GRIA4: variants seen among roughly 807,000 people sequenced by gnomAD.
GRIA4 encodes glutamate ionotropic receptor AMPA type subunit 4, also known as glutamate receptor 4.
GRIA4 carries 34 observed loss-of-function variants against 104.0 expected under a neutral mutation model. The ratio of observed to expected loss-of-function variants is 0.33; its 90% CI spans 0.25 to 0.44. GRIA4 has a LOEUF of 0.44. GRIA4 is among the 20% of genes least tolerant of loss of function. The pLI, the probability that GRIA4 is intolerant of heterozygous loss-of-function variation, is 1.00. For synonymous variants in GRIA4, 386 were observed against 381.9 expected (o/e 1.01, Z -0.13); for missense variants, 750 against 1,096.5 (o/e 0.68, Z 4.46).
chr11:105,669,394 ATATAT>A (rs1229413106), intron 3 of GRIA4, among the ~76,000 whole-genome samples: 29 of 152,010 alleles, frequency 1.9e-4, no homozygotes, highest in Non-Finnish European at 7.4e-5. Context: ...CATGTCATAT[ATATAT>A]TATATCTTTT....
intron 5 of GRIA4, among the ~76,000 whole-genome samples, chr11:105,864,885 C>G (rs1225252838): frequency 6.6e-6 from 1 of 151,986 alleles, no homozygotes; most frequent in Non-Finnish European, 1.5e-5. Flanking sequence ...AAAAAAATTT[C>G]TAGAAGGATG....
chr11:105,881,714 C>T (rs538531210), intron 5 of GRIA4, among the ~76,000 whole-genome samples: 122 of 152,146 alleles, frequency 8.0e-4, no homozygotes, highest in African/African-American at 2.7e-3. Context: ...CACACACACA[C>T]GCCCCTGCAT....
intron 3 of GRIA4, among the ~76,000 whole-genome samples, chr11:105,704,956 A>G (rs971940812): frequency 6.6e-6 from 1 of 152,162 alleles, no homozygotes; most frequent in Non-Finnish European, 1.5e-5. Context: ...AGAGGTAGTA[A>G]AACACTGGAG....
chr11:105,666,141 C>T (rs964775749), intron 3 of GRIA4, among the ~76,000 whole-genome samples: 14 of 151,972 alleles, frequency 9.2e-5, no homozygotes, highest in African/African-American at 3.1e-4. Flanking sequence ...AACTTTAAAC[C>T]ATGGCCTCTG....
At chr11:105,739,256 C>T (rs901475399) in intron 3 of GRIA4, among the ~76,000 whole-genome samples, 9 of 152,038 alleles carry the variant, frequency 5.9e-5, no homozygotes, top group East Asian at 1.9e-4. Flanking sequence ...GGCCTGACTC[C>T]GGAAAGAAAT....
At chr11:105,798,488 G>C (rs1415197042) in intron 4 of GRIA4, among the ~76,000 whole-genome samples, 1 of 152,076 alleles carries the variant, frequency 6.6e-6, no homozygotes, top group East Asian at 1.9e-4. Context: ...GGCAGGTAAT[G>C]GATGCTACAT....
intron 3 of GRIA4, among the ~76,000 whole-genome samples, chr11:105,663,040 A>T (rs1277036574): frequency 6.6e-6 from 1 of 151,924 alleles, no homozygotes; most frequent in Non-Finnish European, 1.5e-5. Flanking sequence ...ATAATCTAAA[A>T]TATCCTTGTA....
At chr11:105,739,599 G>A (rs540361719) in intron 3 of GRIA4, among the ~76,000 whole-genome samples, 3 of 152,190 alleles carry the variant, frequency 2.0e-5, no homozygotes, top group South Asian at 4.1e-4. Context: ...AAGAAAATTA[G>A]CATTTACATA....
chr11:105,907,948 A>G (rs1310928126), intron 9 of GRIA4, among the ~76,000 whole-genome samples: 2 of 152,150 alleles, frequency 1.3e-5, no homozygotes, highest in African/African-American at 4.8e-5. Context: ...AGCATCACTC[A>G]AGATCTTGAC....
intron 12 of GRIA4, 117 bp from the exon 13 acceptor site, chr11:105,926,624 T>C: frequency 1.5e-6 from 1 of 685,122 alleles, no homozygotes; most frequent in Non-Finnish European, 2.6e-6. Flanking sequence ...TCTCAGAAAA[T>C]AAAACAATAC....
chr11:105,685,998 G>C (rs1278730672), intron 3 of GRIA4, among the ~76,000 whole-genome samples: 1 of 151,952 alleles, frequency 6.6e-6, no homozygotes, highest in Non-Finnish European at 1.5e-5. Flanking sequence ...TCAATACTAA[G>C]AAATGAAATT....
intron 4 of GRIA4, among the ~76,000 whole-genome samples, chr11:105,807,654 A>C (rs1943004738): frequency 6.6e-6 from 1 of 151,892 alleles, no homozygotes; most frequent in East Asian, 1.9e-4. Context: ...GGTTTTTATG[A>C]AGATCAAAGA....
intron 4 of GRIA4, among the ~76,000 whole-genome samples, chr11:105,765,755 C>T (rs1940905103): frequency 6.6e-6 from 1 of 152,126 alleles, no homozygotes; most frequent in Admixed American, 6.5e-5. Flanking sequence ...GGCTACTTTC[C>T]CACTTCTACA....
chr11:105,757,652 G>A (rs958749890), intron 4 of GRIA4, among the ~76,000 whole-genome samples: 8 of 152,174 alleles, frequency 5.3e-5, no homozygotes, highest in South Asian at 2.1e-4. Flanking sequence ...GGTCAGTTTC[G>A]TTGTCATCAC....
At chr11:105,895,252 C>CGCGTGT (rs1946608512) in intron 6 of GRIA4, among the ~76,000 whole-genome samples, 1 of 148,756 alleles carries the variant, frequency 6.7e-6, no homozygotes, top group Non-Finnish European at 1.5e-5. Flanking sequence ...CGAGCTCATG[C>CGCGTGT]GTGTGTGTGT....
At chr11:105,718,200 C>G (rs1314771492) in intron 3 of GRIA4, among the ~76,000 whole-genome samples, 1 of 152,050 alleles carries the variant, frequency 6.6e-6, no homozygotes, top group Non-Finnish European at 1.5e-5. Flanking sequence ...ACCTATGAAG[C>G]CAATGTATAG....
chr11:105,640,723 G>C (rs903691331), intron 3 of GRIA4, among the ~76,000 whole-genome samples: 2 of 151,788 alleles, frequency 1.3e-5, no homozygotes, highest in East Asian at 1.9e-4. Context: ...CTGTGAAATT[G>C]CTTTCCAAAT....
intron 12 of GRIA4, among the ~76,000 whole-genome samples, chr11:105,926,162 G>A (rs1191197850): frequency 2.6e-5 from 4 of 152,012 alleles, no homozygotes; most frequent in African/African-American, 4.8e-5. Context: ...GACGCTCTTC[G>A]GGTCCAATCT....
At chr11:105,947,657 G>A (rs1227176195) in intron 14 of GRIA4, among the ~76,000 whole-genome samples, 1 of 152,114 alleles carries the variant, frequency 6.6e-6, no homozygotes, top group Admixed American at 6.6e-5. Flanking sequence ...ATTTAAAATA[G>A]TTCATGAAAG....
Sources: gnomAD v4.1 joint callset for allele counts (sites outside exome capture counted in the v4.1 genomes callset) on GRCh38, gnomAD v4.1.1 for gene constraint, MANE v1.5 for transcripts, NCBI Gene and HGNC (gene_info 2026-07-23, HGNC 2026-07-21) for gene names.